The following USP9X variants were observed in gnomAD, a reference collection of about 807,000 sequenced individuals.
The protein encoded by USP9X is ubiquitin specific peptidase 9 X-linked.
In USP9X, 7 loss-of-function variants were observed where a neutral mutation model predicts 190.3. The ratio of observed to expected loss-of-function variants is 0.04; its 90% CI spans 0.02 to 0.07. USP9X has a LOEUF of 0.07. USP9X is among the 10% of genes least tolerant of loss of function. The probability of loss-of-function intolerance (pLI) is 1.00; values close to 1 mark genes in which losing one functional copy is unlikely to be tolerated. For missense variants in USP9X, 1,010 were observed against 1,916.9 expected, an observed-to-expected ratio of 0.53 and a Z score of 8.83; for synonymous variants, 645 against 659.5, an observed-to-expected ratio of 0.98 and a Z score of 0.34.
chrX:41,169,543 C>T (rs954555715), intron 18 of USP9X, among the ~76,000 whole-genome samples: 1 of 111,064 alleles, frequency 9.0e-6, no homozygotes, highest in African/African-American at 3.3e-5. Flanking sequence ...CAACCTTTGC[C>T]TCCCAGGTTC....
In USP9X at chrX:41,214,542, A is replaced by T. The variant is rs753136756; in HGVS notation, c.5190-26A>T. 6.1e-6 allele frequency: 7 copies of T among 1,145,071 alleles called. No individual in the cohort carries two copies. In the South Asian group the frequency reaches 8.4e-5, roughly 14 times the overall value. The allele number at this position is 1,145,071 out of a possible 1,213,427, so 94.4% of individuals were successfully genotyped here. ...TAAAATGTTTACAAAACTAAGGGAT[A>T]AATCCTTTTTTTAAATCGTTTTTAG... is the stretch of plus-strand genomic sequence containing the variant. On this transcript the variant is annotated intron_variant, in intron 33 of 44. Coordinates refer to ENST00000378308, the MANE Select transcript of USP9X (RefSeq NM_001039591.3).
chrX:41,110,900 G>A (rs186451554), intron 1 of USP9X, among the ~76,000 whole-genome samples: 2 of 111,800 alleles, frequency 1.8e-5, no homozygotes, highest in Admixed American at 1.9e-4. Flanking sequence ...ATGGTAGTGT[G>A]GACGCTAGCC....
intron 9 of USP9X, 130 bp downstream of exon 9, chrX:41,141,561 A>G: frequency 1.5e-6 from 1 of 668,715 alleles, no homozygotes; most frequent in Non-Finnish European, 2.0e-6. Context: ...GTTTTGATTG[A>G]TTTATAACTC....
Position 41,236,489 on chromosome X carries a change from T to C in USP9X, c.*3965T>C, listed in dbSNP as rs887202880. 2.6e-4 allele frequency: 29 copies of C among 112,494 alleles called. No homozygotes were observed. Among genetic ancestry groups the C allele is most frequent in the African/African-American group, 9.4e-4 (29 of 30,974 alleles). The allele number at this position is 112,494 out of a possible 1,213,427, so 9.3% of individuals were successfully genotyped here. On this transcript the variant is annotated 3_prime_UTR_variant, in exon 45 of 45. Coordinates refer to ENST00000378308, the MANE Select transcript of USP9X (RefSeq NM_001039591.3). ...TTCACCACCCAAGTCATGCACTTCT[T>C]AGCCTTTTACAAGCCAACAGACTGA...
intron 1 of USP9X, among the ~76,000 whole-genome samples, chrX:41,100,148 T>C (rs2062024276): frequency 8.9e-6 from 1 of 112,159 alleles, no homozygotes; most frequent in African/African-American, 3.2e-5. Flanking sequence ...TGCTGCTCTA[T>C]TGTAAATTAT....
At chrX:41,152,911 A>C (rs1452889516) in intron 13 of USP9X, 37 bp from the exon 14 acceptor site, 1 of 1,180,704 alleles carries the variant, frequency 8.5e-7, no homozygotes, top group East Asian at 3.0e-5. Flanking sequence ...ACAGAGTTTA[A>C]TTGCCTAATT....
intron 38 of USP9X, 51 bp downstream of exon 38, chrX:41,219,282 G>C: frequency 1.8e-6 from 2 of 1,128,964 alleles, no homozygotes; most frequent in Non-Finnish European, 2.4e-6. Flanking sequence ...ATATTAAATT[G>C]TGAAGTCATT....
chrX:41,194,650 A>G (rs73480449), intron 26 of USP9X, among the ~76,000 whole-genome samples: 15,209 of 111,457 alleles, frequency 0.14, 951 homozygotes, highest in East Asian at 0.22. Context: ...TGTGATGTCT[A>G]TAAGATATTC....
In USP9X at chrX:41,225,254, T is replaced by C. The variant is rs1442670222; in HGVS notation, c.7061+117T>C. 1.8e-5 allele frequency: 11 copies of C among 605,829 alleles called. No homozygotes were observed. In the East Asian group the frequency reaches 3.7e-4, roughly 20 times the overall value. 49.9% of individuals were successfully genotyped at this position (605,829 alleles called of 1,213,427 possible). On this transcript the variant is annotated intron_variant, in intron 41 of 44. Transcript: ENST00000378308. ...TTGGAGTTCTAGTGAATGTTTTATC[T>C]TAAACCTAGGACAAGGGTAAATAAC...
chrX:41,196,113 A>G (rs2062982078), intron 26 of USP9X, 138 bp from the exon 27 acceptor site: 1 of 658,481 alleles, frequency 1.5e-6, no homozygotes, highest in African/African-American at 2.2e-5. Flanking sequence ...GTGTGTAGGT[A>G]GGGTAATCCT....
intron 32 of USP9X, among the ~76,000 whole-genome samples, chrX:41,207,006 GA>G (rs1162045837): frequency 1.9e-5 from 2 of 105,029 alleles, no homozygotes; most frequent in African/African-American, 3.5e-5. Flanking sequence ...GTCTGGTCTC[GA>G]ACTCCTGACC....
intron 16 of USP9X, 117 bp from the exon 17 acceptor site, chrX:41,167,365 C>A: frequency 1.9e-6 from 1 of 522,229 alleles, no homozygotes; most frequent in Non-Finnish European, 3.1e-6. Flanking sequence ...TCAAAGTCAA[C>A]TTACCATTAA....
chrX:41,224,373 G>A (rs1025592297), intron 39 of USP9X, among the ~76,000 whole-genome samples: 9 of 111,233 alleles, frequency 8.1e-5, no homozygotes, highest in Non-Finnish European at 1.5e-4. Flanking sequence ...AGTGGCTCAT[G>A]CCTGTAATCC....
intron 20 of USP9X, 75 bp downstream of exon 20, chrX:41,170,694 G>A: frequency 2.0e-6 from 2 of 1,005,014 alleles, no homozygotes; most frequent in Admixed American, 3.8e-5. Context: ...TATATAGAGT[G>A]GTTCTTTCTT....
intron 14 of USP9X, among the ~76,000 whole-genome samples, chrX:41,160,439 C>T (rs948496063): frequency 2.4e-4 from 27 of 110,460 alleles, no homozygotes; most frequent in Non-Finnish European, 4.3e-4. Flanking sequence ...GATTAGCTGT[C>T]AGCTGAATGT....
At chrX:41,150,035 T>C (rs2062509158) in intron 12 of USP9X, among the ~76,000 whole-genome samples, 1 of 110,856 alleles carries the variant, frequency 9.0e-6, no homozygotes, top group African/African-American at 3.3e-5. Flanking sequence ...TTATACAAGG[T>C]TCGATTATGG....
intron 30 of USP9X, 107 bp from the exon 31 acceptor site, chrX:41,200,953 C>T: frequency 1.2e-6 from 1 of 829,626 alleles, no homozygotes; most frequent in Middle Eastern, 4.2e-4. Flanking sequence ...TAGGGTTAGT[C>T]GAATTATGGG....
intron 26 of USP9X, among the ~76,000 whole-genome samples, chrX:41,191,930 T>G (rs1260379598): frequency 9.0e-6 from 1 of 111,538 alleles, no homozygotes; most frequent in Non-Finnish European, 1.9e-5. Flanking sequence ...CAGTGCGCTC[T>G]CTCTCTCCCT....
intron 14 of USP9X, among the ~76,000 whole-genome samples, chrX:41,158,449 G>A (rs932141409): frequency 9.0e-6 from 1 of 110,746 alleles, no homozygotes; most frequent in African/African-American, 3.3e-5. Context: ...TGGGGTTGGG[G>A]GACAGACATG....
Sources: gnomAD v4.1 joint callset for allele counts (sites outside exome capture counted in the v4.1 genomes callset) on GRCh38, gnomAD v4.1.1 for gene constraint, MANE v1.5 for transcripts, NCBI Gene and HGNC (gene_info 2026-07-23, HGNC 2026-07-21) for gene names.